The following ZNF277 variants were observed in gnomAD, a reference collection of about 807,000 sequenced individuals.
ZNF277 encodes zinc finger protein 277.
Under a neutral mutation model 60.7 loss-of-function variants are expected in ZNF277, and 55 were observed. That is an observed-to-expected ratio of 0.91 (90% CI 0.73 to 1.13). The LOEUF (loss-of-function observed/expected upper bound fraction) is 1.13. Among genes scored for constraint, ZNF277 ranks in the 50% most tolerant of loss-of-function variants. ZNF277 has a pLI of 0.00. For synonymous variants in ZNF277, 178 were observed against 179.3 expected (o/e 0.99, Z 0.06); for missense variants, 510 against 523.0 (o/e 0.98, Z 0.24).
At chr7:112,206,904 C>T in intron 1 of ZNF277, 97 bp downstream of exon 1, 4 of 1,230,468 alleles carry the variant, frequency 3.3e-6, no homozygotes, top group Non-Finnish European at 4.5e-6. Context: ...AGCCCTTCAG[C>T]TCTGGGGCCA....
intron 1 of ZNF277, among the ~76,000 whole-genome samples, chr7:112,215,089 G>C (rs1821846494): frequency 6.6e-6 from 1 of 152,178 alleles, no homozygotes; most frequent in Non-Finnish European, 1.5e-5. Context: ...TCTGTCTCAA[G>C]AGGCAGTAGC....
chr7:112,221,708 A>T (rs1257901357), intron 1 of ZNF277, among the ~76,000 whole-genome samples: 1 of 152,160 alleles, frequency 6.6e-6, no homozygotes, highest in East Asian at 1.9e-4. Context: ...CACAGTTCAC[A>T]GTAGGGTTCA....
At position 112,337,451 on chromosome 7, in the gene ZNF277, CCT is replaced by C. The variant is rs1793355689; in HGVS notation, c.870-276_870-275del. On this transcript the variant is annotated intron_variant, in intron 8 of 11. Coordinates refer to ENST00000361822, the MANE Select transcript of ZNF277 (RefSeq NM_021994.3). ...AACCTCATTGTCTCAGGACGACATT[CCT>C]CTGACTGTAGACTGAGATAGCTACT... Among the ~76,000 whole-genome samples, 5 of 152,160 alleles carry C rather than the reference CCT, an allele frequency of 3.3e-5. No homozygotes were observed. The South Asian group carries it at 1.0e-3, about 32-fold the overall frequency.
At chr7:112,206,858 A>T in intron 1 of ZNF277, 51 bp downstream of exon 1, 3 of 1,578,116 alleles carry the variant, frequency 1.9e-6, no homozygotes, top group Non-Finnish European at 2.6e-6. Flanking sequence ...TTTCTCTATG[A>T]CCGGGTGTGC....
intron 1 of ZNF277, among the ~76,000 whole-genome samples, chr7:112,227,228 C>T (rs1390769478): frequency 2.0e-5 from 3 of 152,196 alleles, no homozygotes; most frequent in Non-Finnish European, 4.4e-5. Flanking sequence ...TTCACTCATA[C>T]TTCAGAAATT....
At chr7:112,215,626 C>T (rs1458897632) in intron 1 of ZNF277, among the ~76,000 whole-genome samples, 1 of 152,152 alleles carries the variant, frequency 6.6e-6, no homozygotes, top group African/African-American at 2.4e-5. Context: ...TTGCCAGAGG[C>T]GCTGAGCATA....
intron 4 of ZNF277, among the ~76,000 whole-genome samples, chr7:112,307,715 G>A (rs772051938): frequency 5.9e-5 from 9 of 151,778 alleles, no homozygotes; most frequent in Non-Finnish European, 1.0e-4. Context: ...CTCATTGATA[G>A]GATGTTCTCT....
chr7:112,327,836 T>A lies in ZNF277; in HGVS notation c.668+9T>A. 6.4e-7 allele frequency: 1 copy of A among 1,571,966 alleles called. No individual in the cohort carries two copies. The highest frequency in any genetic ancestry group is 8.7e-7 in the Non-Finnish European group (1 of 1,151,076). ...CAGAAAAAGCTTGACAAGTAAGTAC[T>A]GATTTATGAAACACTGCCTAAAGCT... is the stretch of plus-strand genomic sequence containing the variant. On this transcript the variant is annotated intron_variant, in intron 6 of 11. Coordinates refer to ENST00000361822, the MANE Select transcript of ZNF277 (RefSeq NM_021994.3).
chr7:112,342,467 T>C, intron 11 of ZNF277, 94 bp from the exon 12 acceptor site: 1 of 1,112,940 alleles, frequency 9.0e-7, no homozygotes. Context: ...TTGGCAAGGA[T>C]ACCTGACAAA....
intron 1 of ZNF277, among the ~76,000 whole-genome samples, chr7:112,234,718 C>T (rs914922078): frequency 6.6e-6 from 1 of 151,906 alleles, no homozygotes; most frequent in Non-Finnish European, 1.5e-5. Flanking sequence ...AAATGATATC[C>T]TACATGACTA....
intron 1 of ZNF277, among the ~76,000 whole-genome samples, chr7:112,268,239 T>G (rs527630746): frequency 1.3e-5 from 2 of 151,816 alleles, no homozygotes; most frequent in East Asian, 3.9e-4. Context: ...GTATACCATA[T>G]GCCTGCATGC....
At chr7:112,217,679 G>A (rs548399838) in intron 1 of ZNF277, among the ~76,000 whole-genome samples, 1 of 152,274 alleles carries the variant, frequency 6.6e-6, no homozygotes, top group Admixed American at 6.5e-5. Flanking sequence ...CTTCTTGCCT[G>A]GCGAGTAGAC....
At chr7:112,296,419 A>G in intron 4 of ZNF277, 108 bp downstream of exon 4, 1 of 549,690 alleles carries the variant, frequency 1.8e-6, no homozygotes. Flanking sequence ...AAACTTTCAA[A>G]CATATGTAAA....
At chr7:112,270,950 A>G (rs557212901) in intron 1 of ZNF277, among the ~76,000 whole-genome samples, 66 of 125,634 alleles carry the variant, frequency 5.3e-4, no homozygotes, top group Non-Finnish European at 9.0e-4. Context: ...CCAGCCATAC[A>G]TTAGAATCTC....
At position 112,342,836 on chromosome 7, in the gene ZNF277, T is replaced by C; in HGVS notation, c.*107T>C. The C allele has an allele frequency of 1.1e-6, 1 of 897,330 alleles. No individual in the cohort carries two copies. The highest frequency in any genetic ancestry group is 1.5e-6 in the Non-Finnish European group (1 of 661,792). The allele number at this position is 897,330 out of a possible 1,614,324, so 55.6% of individuals were successfully genotyped here. On this transcript the variant is annotated 3_prime_UTR_variant, in exon 12 of 12. Transcript: ENST00000361822. ...TTTAAATTTGAACATCAACAAAAGA[T>C]TGGTCCTTGGTGAAATAAACTTTTC...
chr7:112,275,100 C>A (rs917256261), intron 1 of ZNF277, among the ~76,000 whole-genome samples: 10 of 152,120 alleles, frequency 6.6e-5, no homozygotes, highest in Non-Finnish European at 8.8e-5. Context: ...ATTTTAATGT[C>A]TTTTTTGCTT....
At chr7:112,279,070 T>G (rs1791884026) in intron 1 of ZNF277, among the ~76,000 whole-genome samples, 1 of 152,364 alleles carries the variant, frequency 6.6e-6, no homozygotes, top group Middle Eastern at 3.4e-3. Flanking sequence ...CTGAATACTA[T>G]TCATTGTATT....
At position 112,340,011 on chromosome 7, in the gene ZNF277, G is replaced by A. The variant is rs150025280; in HGVS notation, c.1009+126G>A. The A allele has an allele frequency of 7.1e-6, 6 of 847,214 alleles. No individual in the cohort carries two copies. The African/African-American group carries it at 8.4e-5, about 12-fold the overall frequency. The allele number at this position is 847,214 out of a possible 1,614,324, so 52.5% of individuals were successfully genotyped here. On this transcript the variant is annotated intron_variant, in intron 10 of 11. Coordinates refer to ENST00000361822, the MANE Select transcript of ZNF277 (RefSeq NM_021994.3). ...ACCAAAACATGTCTCTCTATAGATG[G>A]TCTTGACAGAACTCTCTGTGAAGCA...
At position 112,336,103 on chromosome 7, in the gene ZNF277, G is replaced by T. The variant is rs1477917759; in HGVS notation, c.802-1G>T. ...CTCATCCCTCTGTTCTTCCTACAAA[G>T]GAACTTGGAAAATCGTGGGAAGAAG... On this transcript the variant is annotated splice_acceptor_variant, in intron 7 of 11. Transcript: ENST00000361822. LOFTEE classifies it high-confidence loss of function. The T allele has an allele frequency of 1.2e-6, 2 of 1,610,672 alleles. No homozygotes were observed. Among genetic ancestry groups the T allele is most frequent in the Admixed American group, 1.7e-5 (1 of 59,728 alleles).
Sources: gnomAD v4.1 joint callset for allele counts (sites outside exome capture counted in the v4.1 genomes callset) on GRCh38, gnomAD v4.1.1 for gene constraint, MANE v1.5 for transcripts, NCBI Gene and HGNC (gene_info 2026-07-23, HGNC 2026-07-21) for gene names.